Variants in TMEM67 observed in about 807,000 individuals in gnomAD.
The protein encoded by TMEM67 is meckelin.
A neutral mutation model predicts 136.6 loss-of-function variants in TMEM67; 124 were observed. The observed-to-expected ratio is 0.91, with a 90% CI of 0.78 to 1.05. The LOEUF is 1.05. TMEM67 is among the 50% of genes least tolerant of loss of function. The probability of loss-of-function intolerance (pLI) is 0.00; values close to 1 mark genes in which losing one functional copy is unlikely to be tolerated. For missense variants in TMEM67, 1,107 were observed against 1,178.4 expected (o/e 0.94, Z 0.89); for synonymous variants, 364 against 390.5 (o/e 0.93, Z 0.80).
intron 25 of TMEM67, 123 bp downstream of exon 25, chr8:93,809,284 C>T (rs1026316691): frequency 7.2e-6 from 5 of 696,882 alleles, no homozygotes; most frequent in Non-Finnish European, 1.3e-5. Context: ...CACCTTAAGA[C>T]CTTCCCTTTT....
chr8:93,757,931 A>G (rs1289166367), intron 2 of TMEM67, among the ~76,000 whole-genome samples: 1 of 151,992 alleles, frequency 6.6e-6, no homozygotes, highest in East Asian at 1.9e-4. Context: ...TAATTTTTGT[A>G]TTTTTAGTAG....
chr8:93,814,528 A>G (rs570097302), intron 26 of TMEM67, among the ~76,000 whole-genome samples: 258 of 150,892 alleles, frequency 1.7e-3, no homozygotes, highest in African/African-American at 6.0e-3. Context: ...TGGTGCAATC[A>G]TATTAATAGC....
chr8:93,794,185 T>G (rs1408352091), intron 16 of TMEM67, among the ~76,000 whole-genome samples: 1 of 152,136 alleles, frequency 6.6e-6, no homozygotes, highest in African/African-American at 2.4e-5. Flanking sequence ...CCACCACGCC[T>G]GGCCAGAAAC....
chr8:93,830,688 T>C, the TMEM67 span, among the ~76,000 whole-genome samples: 2 of 152,218 alleles, frequency 1.3e-5, no homozygotes, highest in African/African-American at 4.8e-5. Context: ...CTGAGTGTTA[T>C]TTTATCCACA....
chr8:93,832,385 A>G, the TMEM67 span, among the ~76,000 whole-genome samples: 2 of 151,748 alleles, frequency 1.3e-5, no homozygotes, highest in Non-Finnish European at 2.9e-5. Context: ...TAGCATTGCA[A>G]CTCCACCATC....
intron 7 of TMEM67, among the ~76,000 whole-genome samples, chr8:93,775,948 G>T (rs573702065): frequency 1.2e-4 from 18 of 152,084 alleles, no homozygotes; most frequent in African/African-American, 2.7e-4. Flanking sequence ...TGAGGCAGTA[G>T]GGCCATTTTC....
At chr8:93,803,063 T>C (rs1196917485) in intron 21 of TMEM67, among the ~76,000 whole-genome samples, 1 of 152,214 alleles carries the variant, frequency 6.6e-6, no homozygotes, top group African/African-American at 2.4e-5. Flanking sequence ...TAAAAAGATG[T>C]ACCATGTAAA....
chr8:93,794,497 G>C (rs1814520969), intron 16 of TMEM67, among the ~76,000 whole-genome samples: 1 of 152,142 alleles, frequency 6.6e-6, no homozygotes, highest in Non-Finnish European at 1.5e-5. Context: ...TGAAATTGAG[G>C]TAAAGGTTAA....
In TMEM67 at chr8:93,774,344, CTT is replaced by C. The variant is rs1813446031; in HGVS notation, c.714+1697_714+1698del. Among the ~76,000 whole-genome samples the C allele has an allele frequency of 9.2e-5, 14 of 152,178 alleles. 1 individual carries two copies. In the South Asian group the frequency reaches 2.9e-3, roughly 32 times the overall value. On this transcript the variant is annotated intron_variant, in intron 7 of 27. Coordinates refer to ENST00000453321, the MANE Select transcript of TMEM67 (RefSeq NM_153704.6). ...ATAGGCAAAATGAAAACAAAATAAA[CTT>C]TTTCTCTTTTTATTTATTTCTTTTT...
rs2130669162 is a variant in TMEM67, at chr8:93,781,761, T to G, written c.1065+17T>G. ...GTTTTACAGGTAAGCATGATTCTAG[T>G]TAAAGAATTAATAACATGCATTATT... On this transcript the variant is annotated intron_variant, in intron 10 of 27. Transcript: ENST00000453321. The G allele has an allele frequency of 6.8e-7, 1 of 1,460,992 alleles. No homozygotes were observed. Among genetic ancestry groups the G allele is most frequent in the Non-Finnish European group, 9.5e-7 (1 of 1,047,950 alleles). The allele number at this position is 1,460,992 out of a possible 1,614,324, so 90.5% of individuals were successfully genotyped here.
At chr8:93,802,594 T>TAACA (rs1309767491) in intron 21 of TMEM67, among the ~76,000 whole-genome samples, 3 of 152,236 alleles carry the variant, frequency 2.0e-5, no homozygotes, top group Non-Finnish European at 4.4e-5. Context: ...AGGGTTCCTT[T>TAACA]AACAACCTGT....
intron 7 of TMEM67, among the ~76,000 whole-genome samples, chr8:93,775,818 AT>A (rs1246717935): frequency 2.0e-5 from 3 of 152,020 alleles, no homozygotes; most frequent in Non-Finnish European, 4.4e-5. Flanking sequence ...TTTGTGTAGG[AT>A]TGTCTTGGCA....
At chr8:93,776,299 A>G (rs1292665636) in intron 7 of TMEM67, among the ~76,000 whole-genome samples, 1 of 152,206 alleles carries the variant, frequency 6.6e-6, no homozygotes, top group Non-Finnish European at 1.5e-5. Context: ...TTCTGCAAAC[A>G]GGGACAATTT....
chr8:93,769,477 A>T (rs2130608212), intron 6 of TMEM67: 1 of 167,196 alleles, frequency 6.0e-6, no homozygotes. Flanking sequence ...GGAGAGCATG[A>T]CATCACCACA....
chr8:93,795,435 T>G lies in TMEM67; in HGVS notation c.1701T>G (p.Tyr567Ter). 6.2e-7 allele frequency: 1 copy of G among 1,614,140 alleles called. No individual in the cohort carries two copies. Among genetic ancestry groups the G allele is most frequent in the South Asian group, 1.1e-5 (1 of 91,080 alleles). ...LQTVVKFLVY[Y>*]AGDLANVFFI... ...CAGTTGTGAAATTCTTGGTGTACTA[T>G]GCTGGTGATCTGGCCAATGTTTTCT... is the stretch of plus-strand genomic sequence containing the variant. Residue 567 changes from tyrosine to a stop codon, truncating the protein, a stop_gained, in exon 17 of 28, where the codon TAT becomes TAG. Transcript: ENST00000453321. LOFTEE classifies it high-confidence loss of function.
chr8:93,792,237 T>G (rs1814412072), intron 15 of TMEM67, among the ~76,000 whole-genome samples: 1 of 151,898 alleles, frequency 6.6e-6, no homozygotes. Context: ...AGTGGCGCTA[T>G]CTCGGCCCAC....
At chr8:93,765,022 C>G (rs1813020799) in intron 4 of TMEM67, among the ~76,000 whole-genome samples, 1 of 152,038 alleles carries the variant, frequency 6.6e-6, no homozygotes, top group Non-Finnish European at 1.5e-5. Context: ...GTTATGCTAC[C>G]TTTTTACTTT....
chr8:93,779,026 C>T (rs1448427886), intron 7 of TMEM67, among the ~76,000 whole-genome samples: 1 of 152,150 alleles, frequency 6.6e-6, no homozygotes, highest in East Asian at 1.9e-4. Flanking sequence ...CACATAGTCC[C>T]ATATTTCTTG....
At chr8:93,814,568 G>A (rs1211016216) in intron 26 of TMEM67, among the ~76,000 whole-genome samples, 1 of 151,706 alleles carries the variant, frequency 6.6e-6, no homozygotes, top group East Asian at 1.9e-4. Flanking sequence ...CTTGGTTCAT[G>A]CAGTCCTCCC....
Sources: gnomAD v4.1 joint callset for allele counts (sites outside exome capture counted in the v4.1 genomes callset) on GRCh38, gnomAD v4.1.1 for gene constraint, MANE v1.5 for transcripts, NCBI Gene and HGNC (gene_info 2026-07-23, HGNC 2026-07-21) for gene names.